Variants in PDE1C observed in about 807,000 individuals in gnomAD.
The protein encoded by PDE1C is dual specificity calcium/calmodulin-dependent 3',5'-cyclic nucleotide phosphodiesterase 1C.
Under a neutral mutation model 93.1 loss-of-function variants are expected in PDE1C, and 62 were observed. That is an observed-to-expected ratio of 0.67 (90% CI 0.54 to 0.82). The LOEUF (loss-of-function observed/expected upper bound fraction) is 0.82. Ranked by LOEUF, PDE1C falls within the 40% of genes least tolerant of loss-of-function variation. PDE1C has a pLI of 0.00. For synonymous variants in PDE1C, 325 were observed against 310.1 expected (o/e 1.05, Z -0.50); for missense variants, 742 against 884.6 (o/e 0.84, Z 2.04).
chr7:32,121,413 C>G (rs1318341826), intron 3 of PDE1C, among the ~76,000 whole-genome samples: 1 of 150,994 alleles, frequency 6.6e-6, no homozygotes, highest in Non-Finnish European at 1.5e-5. Context: ...AGATCAACCC[C>G]AAGACACATA....
At chr7:31,750,815 TC>T (rs1794109165), downstream of PDE1C, among the ~76,000 whole-genome samples, 1 of 152,212 alleles carries the variant, frequency 6.6e-6, no homozygotes, top group Non-Finnish European at 1.5e-5. Context: ...CACTGCAAGC[TC>T]TGCCTCCAAG....
intron 1 of PDE1C, among the ~76,000 whole-genome samples, chr7:32,290,608 T>C (rs1256394497): frequency 1.3e-5 from 2 of 151,940 alleles, no homozygotes; most frequent in African/African-American, 4.8e-5. Flanking sequence ...CAGAACTGGG[T>C]CTAGAGCCCA....
chr7:32,270,211 G>C (rs1209530156), intron 1 of PDE1C, among the ~76,000 whole-genome samples: 1 of 151,532 alleles, frequency 6.6e-6, no homozygotes, highest in Middle Eastern at 3.4e-3. Flanking sequence ...AAATCCGACA[G>C]TATTTCTCTC....
At position 31,966,720 on chromosome 7, in the gene PDE1C, C is replaced by T. The variant is rs1288063585; in HGVS notation, c.128+84834G>A. Among the ~76,000 whole-genome samples, 3 of 152,188 alleles carry T rather than the reference C, an allele frequency of 2.0e-5. No homozygotes were observed. The East Asian group carries it at 5.8e-4, about 29-fold the overall frequency. On this transcript the variant is annotated intron_variant, in intron 2 of 17. Transcript: ENST00000396191. ...CCACATAGTTGGAAGTAAAGCACTC[C>T]TCAGCAAATGTGAAAGAACAGAAAT...
At chr7:31,927,856 A>C (rs1803609246) in intron 2 of PDE1C, among the ~76,000 whole-genome samples, 1 of 152,190 alleles carries the variant, frequency 6.6e-6, no homozygotes, top group African/African-American at 2.4e-5. Context: ...AATGCTGAAA[A>C]TTCCAAAAAC....
chr7:32,013,458 C>T (rs1295720639), intron 2 of PDE1C, among the ~76,000 whole-genome samples: 1 of 152,200 alleles, frequency 6.6e-6, no homozygotes, highest in Non-Finnish European at 1.5e-5. Context: ...TTATTTATAA[C>T]TTGACACATC....
the PDE1C span, among the ~76,000 whole-genome samples, chr7:31,623,570 ACT>A: frequency 1.3e-5 from 2 of 151,108 alleles, no homozygotes; most frequent in Non-Finnish European, 2.9e-5. Flanking sequence ...CATACTAAAA[ACT>A]CTCAATAAAT....
rs368713923 is a variant in PDE1C at position 31,893,607 on chromosome 7, C to T, written c.129-12747G>A. 20 of 510,406 alleles carry T rather than the reference C, an allele frequency of 3.9e-5. 1 individual carries two copies. In the Admixed American group the frequency reaches 5.7e-4, roughly 15 times the overall value. 31.6% of individuals were successfully genotyped at this position (510,406 alleles called of 1,614,324 possible). Reference sequence around the variant, plus strand: ...GTGGTTAAAAATATGAGCTTGATATCGCTCAGGTAGTGACACAAGGTAAAC... The same window carrying T: ...GTGGTTAAAAATATGAGCTTGATATTGCTCAGGTAGTGACACAAGGTAAAC... On this transcript the variant is annotated intron_variant, in intron 2 of 17. Transcript: ENST00000396191.
intron 2 of PDE1C, among the ~76,000 whole-genome samples, chr7:32,206,310 C>A (rs1451910371): frequency 2.0e-5 from 3 of 152,112 alleles, no homozygotes; most frequent in Non-Finnish European, 4.4e-5. Context: ...CCAGTTTATG[C>A]AGTCTTCAAT....
At chr7:32,298,170 C>T (rs943759155) in intron 1 of PDE1C, among the ~76,000 whole-genome samples, 1 of 151,364 alleles carries the variant, frequency 6.6e-6, no homozygotes, top group African/African-American at 2.4e-5. Flanking sequence ...TCTTGACGTC[C>T]GCCTCTATCT....
At chr7:32,093,728 A>C (rs58453705) in intron 3 of PDE1C, among the ~76,000 whole-genome samples, 9,263 of 152,298 alleles carry the variant, frequency 0.061, 929 homozygotes, top group African/African-American at 0.21. Context: ...AGTTGCAAAA[A>C]ATAAGCCAAA....
In PDE1C at chr7:31,775,745, A is replaced by C; in HGVS notation, c.1892-13T>G. The C allele has an allele frequency of 1.9e-6, 3 of 1,610,170 alleles. No homozygotes were observed. Among genetic ancestry groups the C allele is most frequent in the Non-Finnish European group, 2.5e-6 (3 of 1,177,544 alleles). On this transcript the variant is annotated splice_polypyrimidine_tract_variant and intron_variant, in intron 16 of 17. Transcript: ENST00000396191. ...CGCTGTTTTGTGCCTGTGAAGAGGAAAAAGAGGATAAGGAAAAGTAGGATT... is the reference window on the plus strand; with the variant it reads ...CGCTGTTTTGTGCCTGTGAAGAGGACAAAGAGGATAAGGAAAAGTAGGATT...
At chr7:32,393,403 T>C (rs1784787174) in intron 1 of PDE1C, among the ~76,000 whole-genome samples, 1 of 152,236 alleles carries the variant, frequency 6.6e-6, no homozygotes, top group Non-Finnish European at 1.5e-5. Flanking sequence ...AAAGTTTACC[T>C]TGTTTACAGA....
In PDE1C at chr7:32,420,110, T is replaced by TATATATATATAC. The variant is rs1422652791; in HGVS notation, c.310+7711_310+7712insGTATATATATAT. Among the ~76,000 whole-genome samples the TATATATATATAC allele has an allele frequency of 9.2e-3, 218 of 23,624 alleles. 30 individuals carry two copies. The highest frequency in any genetic ancestry group is 0.017 in the Non-Finnish European group (189 of 11,388). The allele number at this position is 23,624 out of a possible 152,430, so 15.5% of individuals were successfully genotyped here. A position where few individuals can be genotyped will look rare whatever the true frequency, so the allele number is the denominator to read the frequency against. On this transcript the variant is annotated intron_variant, in intron 1 of 1. Transcript: ENST00000672256. Reference sequence around the variant, plus strand: ...GTGGTGGCATATATATATATATATATATATATATATATATACACACACACA... The same window carrying TATATATATATAC: ...GTGGTGGCATATATATATATATATATATATATATATACATATATATATATATACACACACACA...
At chr7:31,921,614 G>C (rs111566159) in intron 2 of PDE1C, among the ~76,000 whole-genome samples, 2 of 152,054 alleles carry the variant, frequency 1.3e-5, no homozygotes, top group East Asian at 1.9e-4. Flanking sequence ...ATAACCAAAG[G>C]GTTTACTGCT....
intron 11 of PDE1C, among the ~76,000 whole-genome samples, chr7:31,829,705 A>G (rs2128749832): frequency 6.6e-6 from 1 of 152,226 alleles, no homozygotes; most frequent in East Asian, 1.9e-4. Context: ...CCCTCTTCCT[A>G]TATAGACACC....
chr7:31,926,508 A>G (rs1803398633), intron 2 of PDE1C, among the ~76,000 whole-genome samples: 1 of 152,242 alleles, frequency 6.6e-6, no homozygotes, highest in Non-Finnish European at 1.5e-5. Flanking sequence ...TGGATGGCCA[A>G]ATAGGAACAG....
At chr7:31,685,568 G>A in the PDE1C span, among the ~76,000 whole-genome samples, 2 of 152,156 alleles carry the variant, frequency 1.3e-5, no homozygotes, top group Non-Finnish European at 2.9e-5. Context: ...TAACTCATTG[G>A]CCAACAAGGC....
intron 2 of PDE1C, among the ~76,000 whole-genome samples, chr7:32,175,862 T>C (rs1326078652): frequency 6.6e-6 from 1 of 152,234 alleles, no homozygotes; most frequent in Non-Finnish European, 1.5e-5. Flanking sequence ...AAATGAATCT[T>C]GTCCATAGAA....
Sources: gnomAD v4.1 joint callset for allele counts (sites outside exome capture counted in the v4.1 genomes callset) on GRCh38, gnomAD v4.1.1 for gene constraint, MANE v1.5 for transcripts, NCBI Gene and HGNC (gene_info 2026-07-23, HGNC 2026-07-21) for gene names.